Variants in RAB31 observed in about 807,000 individuals in gnomAD.
RAB31 encodes ras-related protein Rab-31.
RAB31 carries 21 observed loss-of-function variants against 25.6 expected under a neutral mutation model. The ratio of observed to expected loss-of-function variants is 0.82; its 90% CI spans 0.58 to 1.18. The LOEUF (loss-of-function observed/expected upper bound fraction) is 1.18. Ranked by LOEUF, RAB31 falls within the 50% of genes most tolerant of loss-of-function variation. The pLI is 0.00. For synonymous variants in RAB31, 87 were observed against 84.0 expected (o/e 1.04, Z -0.20); for missense variants, 196 against 250.1 (o/e 0.78, Z 1.46).
At chr18:9,749,565 T>C (rs1214487849) in intron 1 of RAB31, among the ~76,000 whole-genome samples, 2 of 152,220 alleles carry the variant, frequency 1.3e-5, no homozygotes, top group Non-Finnish European at 2.9e-5. Flanking sequence ...AAGGTGTGTG[T>C]GCCCTACGTT....
intron 1 of RAB31, among the ~76,000 whole-genome samples, chr18:9,724,252 C>A (rs1394470839): frequency 3.8e-5 from 4 of 104,560 alleles, no homozygotes; most frequent in African/African-American, 1.5e-4. Context: ...GCCTGGGCGA[C>A]AGAGCGAGAC....
chr18:9,763,777 T>C (rs2068300907), intron 1 of RAB31, among the ~76,000 whole-genome samples: 1 of 152,214 alleles, frequency 6.6e-6, no homozygotes, highest in East Asian at 1.9e-4. Context: ...TTTTATATTG[T>C]TAGTAAATGT....
chr18:9,841,184 G>T (rs1406756785), intron 5 of RAB31, among the ~76,000 whole-genome samples: 1 of 151,778 alleles, frequency 6.6e-6, no homozygotes, highest in Non-Finnish European at 1.5e-5. Flanking sequence ...CTCCTGCCTT[G>T]ACCTCCCAAA....
chr18:9,817,109 T>A (rs530115788), intron 5 of RAB31, among the ~76,000 whole-genome samples: 1 of 152,164 alleles, frequency 6.6e-6, no homozygotes, highest in Non-Finnish European at 1.5e-5. Flanking sequence ...CTCAAACAGC[T>A]TACTCATCTA....
At position 9,854,223 on chromosome 18, in the gene RAB31, G is replaced by A. The variant is rs912529858; in HGVS notation, c.491-5005G>A. Among the ~76,000 whole-genome samples the A allele has an allele frequency of 1.7e-4, 26 of 152,004 alleles. 1 individual carries two copies. Among genetic ancestry groups the A allele is most frequent in the Non-Finnish European group, 1.0e-4 (7 of 67,994 alleles). On this transcript the variant is annotated intron_variant, in intron 6 of 6. Transcript: ENST00000578921. ...AACTCCCACTTATGAGTGAGAACAC[G>A]TGGTGTTTGGTTTTCTGTTCCTGTG... is the stretch of plus-strand genomic sequence containing the variant.
At position 9,845,844 on chromosome 18, in the gene RAB31, T is replaced by C. The variant is rs2068759235; in HGVS notation, c.490+153T>C. On this transcript the variant is annotated intron_variant, in intron 6 of 6. Coordinates refer to ENST00000578921, the MANE Select transcript of RAB31 (RefSeq NM_006868.4). ...AAATCTACAGCTATGCAGTTGTTAATACCCACTTCTATTATCCTCTCGATT... is the reference window on the plus strand; with the variant it reads ...AAATCTACAGCTATGCAGTTGTTAACACCCACTTCTATTATCCTCTCGATT... Among the ~76,000 whole-genome samples the C allele has an allele frequency of 2.6e-5, 4 of 152,248 alleles. No individual in the cohort carries two copies. The South Asian group carries it at 6.2e-4, about 24-fold the overall frequency.
In RAB31 at chr18:9,817,364, C is replaced by G. The variant is rs61406561; in HGVS notation, c.380+2142C>G. On this transcript the variant is annotated intron_variant, in intron 5 of 6. Coordinates refer to ENST00000578921, the MANE Select transcript of RAB31 (RefSeq NM_006868.4). ...TTGGTTATGTGGAACCAAAGCACAA[C>G]TGAAATTCAGGAGAAAGGGGAATTT... Among the ~76,000 whole-genome samples, 880 of 152,248 alleles carry G rather than the reference C, an allele frequency of 5.8e-3. 4 individuals are homozygous for G. Among genetic ancestry groups the G allele is most frequent in the African/African-American group, 0.02 (835 of 41,532 alleles).
At chr18:9,787,150 C>T (rs915873336) in intron 2 of RAB31, 5 of 218,246 alleles carry the variant, frequency 2.3e-5, no homozygotes, top group Non-Finnish European at 5.0e-5. Context: ...CTCAGTTTCA[C>T]CACCCCAAAG....
intron 1 of RAB31, among the ~76,000 whole-genome samples, chr18:9,737,835 C>G (rs1463342554): frequency 6.6e-6 from 1 of 152,146 alleles, no homozygotes; most frequent in African/African-American, 2.4e-5. Flanking sequence ...GCAGGGGTCT[C>G]TAAATAGGTC....
intron 1 of RAB31, among the ~76,000 whole-genome samples, chr18:9,748,903 T>A (rs952564563): frequency 6.2e-5 from 9 of 145,282 alleles, no homozygotes; most frequent in African/African-American, 2.3e-4. Context: ...AAAAAAATAA[T>A]AATAAAAATA....
chr18:9,767,681 A>G (rs1219751572), intron 1 of RAB31, among the ~76,000 whole-genome samples: 1 of 152,122 alleles, frequency 6.6e-6, no homozygotes, highest in African/African-American at 2.4e-5. Context: ...GTCGCGATCT[A>G]TTTGCCTGGG....
intron 1 of RAB31, among the ~76,000 whole-genome samples, chr18:9,726,508 GC>G (rs1280485053): frequency 6.6e-6 from 1 of 151,976 alleles, no homozygotes; most frequent in African/African-American, 2.4e-5. Context: ...ACCTTGCCTG[GC>G]ATGTAATATT....
At chr18:9,711,722 T>C (rs574527952) in intron 1 of RAB31, among the ~76,000 whole-genome samples, 215 of 152,328 alleles carry the variant, frequency 1.4e-3, no homozygotes, top group African/African-American at 4.4e-3. Flanking sequence ...CTCCCTGAAG[T>C]CTTGCTATGA....
At chr18:9,832,882 G>A (rs1384556334) in intron 5 of RAB31, among the ~76,000 whole-genome samples, 1 of 152,180 alleles carries the variant, frequency 6.6e-6, no homozygotes, top group East Asian at 1.9e-4. Flanking sequence ...CTTCCTGCAG[G>A]CCTCCCTGCG....
chr18:9,841,228 G>A (rs2068731969), intron 5 of RAB31, among the ~76,000 whole-genome samples: 1 of 149,956 alleles, frequency 6.7e-6, no homozygotes, highest in African/African-American at 2.4e-5. Flanking sequence ...CACTGTGCAT[G>A]GCCCAAATTT....
chr18:9,793,816 A>C (rs957118741), intron 3 of RAB31, among the ~76,000 whole-genome samples: 3 of 152,206 alleles, frequency 2.0e-5, no homozygotes, highest in African/African-American at 7.2e-5. Flanking sequence ...TCCAAACTCA[A>C]ATGTCACCTT....
intron 1 of RAB31, among the ~76,000 whole-genome samples, chr18:9,721,551 G>A (rs561051719): frequency 3.9e-5 from 6 of 151,944 alleles, no homozygotes; most frequent in Non-Finnish European, 5.9e-5. Context: ...GGGAGGTGGA[G>A]GTTGCAGTGA....
intron 1 of RAB31, among the ~76,000 whole-genome samples, chr18:9,743,500 T>C (rs2068190177): frequency 6.6e-6 from 1 of 152,216 alleles, no homozygotes; most frequent in Non-Finnish European, 1.5e-5. Context: ...GCTAGTTGGT[T>C]AGGGAGGTAG....
intron 3 of RAB31, among the ~76,000 whole-genome samples, chr18:9,811,208 T>A (rs979518235): frequency 3.3e-4 from 50 of 152,348 alleles, no homozygotes; most frequent in African/African-American, 1.2e-3. Context: ...TGTGAACTCC[T>A]TGGTTCACCC....
Sources: gnomAD v4.1 joint callset for allele counts (sites outside exome capture counted in the v4.1 genomes callset) on GRCh38, gnomAD v4.1.1 for gene constraint, MANE v1.5 for transcripts, NCBI Gene and HGNC (gene_info 2026-07-23, HGNC 2026-07-21) for gene names.